Variants in PCDHGA2 observed in about 807,000 individuals in gnomAD.
The protein encoded by PCDHGA2 is protocadherin gamma-A2.
In PCDHGA2, 40 loss-of-function variants were observed where a neutral mutation model predicts 59.2. The observed-to-expected ratio is 0.68, with a 90% CI of 0.52 to 0.88. The LOEUF is 0.88. Ranked by LOEUF, PCDHGA2 falls within the 40% of genes least tolerant of loss-of-function variation. The pLI, the probability that PCDHGA2 is intolerant of heterozygous loss-of-function variation, is 0.00. For missense variants in PCDHGA2, 1,226 were observed against 1,204.0 expected (o/e 1.02, Z -0.27); for synonymous variants, 560 against 526.0 (o/e 1.06, Z -0.89).
chr5:141,404,658 C>T, intron 1 of PCDHGA2: 2 of 1,614,198 alleles, frequency 1.2e-6, no homozygotes, highest in Non-Finnish European at 1.7e-6. Context: ...GCCCTCCCCA[C>T]TGATGGTTCT....
chr5:141,390,264 G>C lies in PCDHGA2; in HGVS notation c.2424+48869G>C, dbSNP rs771554792. 18 of 1,614,004 alleles carry C rather than the reference G, an allele frequency of 1.1e-5. No individual in the cohort carries two copies. In the African/African-American group the frequency reaches 2.1e-4, roughly 19 times the overall value. Reference sequence around the variant, plus strand: ...CTTATTTCCACTTTGTAATTCCAGTGAATTGACTTCCCATCAGGTGAGTTT... The same window carrying C: ...CTTATTTCCACTTTGTAATTCCAGTCAATTGACTTCCCATCAGGTGAGTTT... On this transcript the variant is annotated intron_variant, in intron 1 of 3. Coordinates refer to ENST00000394576, the MANE Select transcript of PCDHGA2 (RefSeq NM_018915.4).
At chr5:141,351,186 G>GTAGA (rs757467354) in intron 1 of PCDHGA2, 2 of 1,614,046 alleles carry the variant, frequency 1.2e-6, no homozygotes, top group Admixed American at 3.3e-5. Flanking sequence ...GAAGAGACAA[G>GTAGA]TAGATATGTG....
chr5:141,490,336 G>T lies in PCDHGA2; in HGVS notation c.2425-4471G>T. 2 of 1,614,224 alleles carry T rather than the reference G, an allele frequency of 1.2e-6. No individual in the cohort carries two copies. The highest frequency in any genetic ancestry group is 8.5e-7 in the Non-Finnish European group (1 of 1,180,040). ...CCCTGTCCTAGAGAGCACACCAGTGGGCACAGTAGTGGGGTTGTTTAATGT... is the reference window on the plus strand; with the variant it reads ...CCCTGTCCTAGAGAGCACACCAGTGTGCACAGTAGTGGGGTTGTTTAATGT... On this transcript the variant is annotated intron_variant, in intron 1 of 3. Transcript: ENST00000394576. This position sits in a 1 kb window ranked among gnomAD's most constrained non-coding sequence, Gnocchi z 5.4.
rs1480686339 is a variant in PCDHGA2, at chr5:141,415,643, A to G, written c.2424+74248A>G. ...TTTATTTTCATTTTTACTTTTGTTA[A>G]AAAAAAAAAGATTGGTTTTTACTTT... is the stretch of plus-strand genomic sequence containing the variant. On this transcript the variant is annotated intron_variant, in intron 1 of 3. Transcript: ENST00000394576. The G allele has an allele frequency of 5.1e-6, 8 of 1,571,752 alleles. No individual in the cohort carries two copies. In the South Asian group the frequency reaches 9.1e-5, roughly 18 times the overall value.
In PCDHGA2 at chr5:141,485,798, C is replaced by T. The variant is rs764109672; in HGVS notation, c.2425-9009C>T. The T allele has an allele frequency of 2.0e-5, 32 of 1,614,172 alleles. No individual in the cohort carries two copies. The highest frequency in any genetic ancestry group is 1.1e-4 in the East Asian group (5 of 44,876). ...GGATCGAGAGAAGCAATCGGACTAC[C>T]GCCTGGTGCTGACTGCTGTCGATGG... is the stretch of plus-strand genomic sequence containing the variant. On this transcript the variant is annotated intron_variant, in intron 1 of 3. Coordinates refer to ENST00000394576, the MANE Select transcript of PCDHGA2 (RefSeq NM_018915.4). The surrounding 1 kb of genome is among the most constrained non-coding windows in gnomAD (Gnocchi z 5.7).
Position 141,485,784 on chromosome 5 carries a change from A to G in PCDHGA2, c.2425-9023A>G, listed in dbSNP as rs760859851. The G allele has an allele frequency of 1.9e-6, 3 of 1,614,096 alleles. No individual in the cohort carries two copies. The African/African-American group carries it at 4.0e-5, about 22-fold the overall frequency. On this transcript the variant is annotated intron_variant, in intron 1 of 3. Transcript: ENST00000394576. This position sits in a 1 kb window ranked among gnomAD's most constrained non-coding sequence, Gnocchi z 5.7. Reference sequence around the variant, plus strand: ...CTGGAGAAGCCTTTGGATCGAGAGAAGCAATCGGACTACCGCCTGGTGCTG... The same window carrying G: ...CTGGAGAAGCCTTTGGATCGAGAGAGGCAATCGGACTACCGCCTGGTGCTG...
In PCDHGA2 at chr5:141,475,486, T is replaced by C. The variant is rs576743657; in HGVS notation, c.2425-19321T>C. Among the ~76,000 whole-genome samples, 14 of 152,370 alleles carry C rather than the reference T, an allele frequency of 9.2e-5. No homozygotes were observed. In the East Asian group the frequency reaches 2.7e-3, roughly 29 times the overall value. On this transcript the variant is annotated intron_variant, in intron 1 of 3. Transcript: ENST00000394576. ...AATGCTAATTTCATTTGGTAAGAGA[T>C]AAAACTGAAATTATTAATGTCTCCA...
At chr5:141,404,593 A>G in intron 1 of PCDHGA2, 1 of 1,614,080 alleles carries the variant, frequency 6.2e-7, no homozygotes, top group Non-Finnish European at 8.5e-7. Context: ...GCAATGTGTC[A>G]TTGAGACTGT....
intron 2 of PCDHGA2, among the ~76,000 whole-genome samples, chr5:141,502,250 T>A (rs915754322): frequency 2.6e-5 from 4 of 152,242 alleles, no homozygotes; most frequent in East Asian, 3.8e-4. Context: ...TCCTTTTTTT[T>A]AATCCAGGAT....
At chr5:141,446,061 AG>A (rs903957950) in intron 1 of PCDHGA2, among the ~76,000 whole-genome samples, 3 of 152,226 alleles carry the variant, frequency 2.0e-5, no homozygotes, top group African/African-American at 7.2e-5. Context: ...CTTGGATTAA[AG>A]GGGAGGCAGT....
At chr5:141,455,160 G>T (rs6875366) in intron 1 of PCDHGA2, among the ~76,000 whole-genome samples, 16,301 of 149,190 alleles carry the variant, frequency 0.11, 1,328 homozygotes, top group African/African-American at 0.23. Context: ...TAGTTTGTTG[G>T]TTTTTTTTTT....
intron 1 of PCDHGA2, chr5:141,371,856 T>C (rs758069791): frequency 1.9e-6 from 3 of 1,613,462 alleles, no homozygotes; most frequent in Admixed American, 3.3e-5. Context: ...TGGCCTTGTC[T>C]CCTACTACAT....
At chr5:141,406,436 T>C (rs1207276044) in intron 1 of PCDHGA2, among the ~76,000 whole-genome samples, 3 of 152,234 alleles carry the variant, frequency 2.0e-5, no homozygotes, top group Non-Finnish European at 4.4e-5. Context: ...TTGCTTCTAT[T>C]CTTCCATTTC....
intron 1 of PCDHGA2, chr5:141,399,373 G>A: frequency 6.2e-7 from 1 of 1,613,982 alleles, no homozygotes; most frequent in Non-Finnish European, 8.5e-7. Flanking sequence ...GGAGTACAAT[G>A]TCACCATCAC....
chr5:141,408,789 T>C, intron 1 of PCDHGA2: 1 of 1,612,724 alleles, frequency 6.2e-7, no homozygotes, highest in Non-Finnish European at 8.5e-7. Context: ...GAGTTATCTC[T>C]GGAGAAACTC....
At chr5:141,464,134 G>A (rs1270558696) in intron 1 of PCDHGA2, among the ~76,000 whole-genome samples, 1 of 151,944 alleles carries the variant, frequency 6.6e-6, no homozygotes, top group Admixed American at 6.6e-5. Context: ...GTGTGGTGGT[G>A]GGCGCCTGTA....
At chr5:141,503,836 A>G (rs1260399957) in intron 2 of PCDHGA2, among the ~76,000 whole-genome samples, 4 of 152,142 alleles carry the variant, frequency 2.6e-5, no homozygotes, top group Admixed American at 6.5e-5. Flanking sequence ...AAAAGCAGGG[A>G]CAGACCTTGG....
At chr5:141,371,058 A>C in intron 1 of PCDHGA2, 9 of 1,613,990 alleles carry the variant, frequency 5.6e-6, no homozygotes, top group Non-Finnish European at 7.6e-6. Flanking sequence ...CGAGCCCTCC[A>C]GAAGCTGTAC....
intron 1 of PCDHGA2, chr5:141,374,320 G>T (rs1425393222): frequency 1.2e-6 from 2 of 1,613,960 alleles, no homozygotes; most frequent in Admixed American, 3.3e-5. Context: ...CTCTGAATCC[G>T]CGAAACGGCA....
Sources: allele counts gnomAD v4.1 joint callset (sites outside exome capture counted in the v4.1 genomes callset), GRCh38; gene constraint gnomAD v4.1.1; non-coding constraint Gnocchi (gnomAD v3.1); transcripts MANE v1.5; gene names NCBI Gene and HGNC (gene_info 2026-07-23, HGNC 2026-07-21).